The following FGF12 variants were observed in gnomAD, a reference collection of about 807,000 sequenced individuals.
FGF12 encodes the protein fibroblast growth factor 12B.
Under a neutral mutation model 23.6 loss-of-function variants are expected in FGF12, and 14 were observed. That is an observed-to-expected ratio of 0.59 (90% CI 0.39 to 0.93). The LOEUF (loss-of-function observed/expected upper bound fraction) is 0.93. Ranked by LOEUF, FGF12 falls within the 40% of genes least tolerant of loss-of-function variation. FGF12 has a pLI of 0.00. For missense variants in FGF12, 175 were observed against 217.8 expected (o/e 0.80, Z 1.24); for synonymous variants, 62 against 77.3 (o/e 0.80, Z 1.04).
chr3:192,230,195 C>A (rs1207044588), intron 4 of FGF12, among the ~76,000 whole-genome samples: 2 of 152,094 alleles, frequency 1.3e-5, no homozygotes, highest in Non-Finnish European at 1.5e-5. Flanking sequence ...AATTTCACTA[C>A]TTTCAAGATC....
chr3:192,227,509 T>C (rs536926172), intron 4 of FGF12, among the ~76,000 whole-genome samples: 1 of 151,572 alleles, frequency 6.6e-6, no homozygotes, highest in East Asian at 1.9e-4. Flanking sequence ...GAAAGCAATG[T>C]TTAACCAGGG....
intron 2 of FGF12, among the ~76,000 whole-genome samples, chr3:192,712,216 A>G (rs1191049437): frequency 6.6e-6 from 1 of 151,742 alleles, no homozygotes; most frequent in Non-Finnish European, 1.5e-5. Context: ...ATAGAAACCT[A>G]TGAAAAATAA....
At chr3:192,503,432 T>G (rs2084254899) in intron 2 of FGF12, among the ~76,000 whole-genome samples, 1 of 152,120 alleles carries the variant, frequency 6.6e-6, no homozygotes, top group Admixed American at 6.6e-5. Flanking sequence ...TGATCCAAAA[T>G]CACTTAAAAG....
At chr3:192,716,251 C>T (rs1441432641) in intron 2 of FGF12, among the ~76,000 whole-genome samples, 1 of 152,186 alleles carries the variant, frequency 6.6e-6, no homozygotes, top group Non-Finnish European at 1.5e-5. Context: ...AGTTGGAAAA[C>T]TGGTCAGAAA....
intron 2 of FGF12, among the ~76,000 whole-genome samples, chr3:192,410,877 A>G (rs1318206147): frequency 1.3e-5 from 2 of 152,228 alleles, no homozygotes; most frequent in Non-Finnish European, 1.5e-5. Context: ...GAGTTCTCCA[A>G]GTTAAAATGC....
At chr3:192,412,242 ATTC>A (rs1721221393) in intron 2 of FGF12, among the ~76,000 whole-genome samples, 1 of 152,174 alleles carries the variant, frequency 6.6e-6, no homozygotes, top group East Asian at 1.9e-4. Flanking sequence ...GAGGATGTGT[ATTC>A]TTTAGTCTTT....
At chr3:192,199,175 A>C (rs59313005) in intron 4 of FGF12, among the ~76,000 whole-genome samples, 206 of 152,202 alleles carry the variant, frequency 1.4e-3, no homozygotes, top group African/African-American at 4.9e-3. Flanking sequence ...TCACTTATTC[A>C]TAAAATGGGG....
intron 3 of FGF12, among the ~76,000 whole-genome samples, chr3:192,338,718 C>G (rs1717543042): frequency 6.6e-6 from 1 of 152,154 alleles, no homozygotes; most frequent in African/African-American, 2.4e-5. Context: ...TTACCCAGGT[C>G]TGGCTTTTAC....
chr3:192,519,946 C>G (rs1441107595), intron 2 of FGF12, among the ~76,000 whole-genome samples: 1 of 152,156 alleles, frequency 6.6e-6, no homozygotes, highest in Non-Finnish European at 1.5e-5. Context: ...TTTAGCAGTT[C>G]CTTAATTGTT....
rs11359837 is a variant in FGF12 at position 192,427,380 on chromosome 3, GAA to G, written c.14-66844_14-66843del. ...GGCGACAGAGCAGGACTCCGTCTCT[GAA>G]AAAAAAAAAAAAAGAGTAGAAGTAG... On this transcript the variant is annotated intron_variant, in intron 2 of 5. Coordinates refer to ENST00000445105, the MANE Select transcript of FGF12 (RefSeq NM_004113.6). Among the ~76,000 whole-genome samples the G allele has an allele frequency of 4.0e-3, 567 of 141,616 alleles. 1 individual carries two copies. Among genetic ancestry groups the G allele is most frequent in the African/African-American group, 0.012 (476 of 38,188 alleles). 92.9% of individuals were successfully genotyped at this position (141,616 alleles called of 152,430 possible). A position where few individuals can be genotyped will look rare whatever the true frequency, so the allele number is the denominator to read the frequency against.
chr3:192,422,544 T>C (rs1721565594), intron 2 of FGF12, among the ~76,000 whole-genome samples: 1 of 152,172 alleles, frequency 6.6e-6, no homozygotes, highest in Non-Finnish European at 1.5e-5. Flanking sequence ...CTCATTAATC[T>C]TGTGCCACAA....
intron 2 of FGF12, among the ~76,000 whole-genome samples, chr3:192,632,894 A>G (rs1198396046): frequency 2.0e-5 from 3 of 152,020 alleles, no homozygotes; most frequent in Non-Finnish European, 4.4e-5. Flanking sequence ...CTGGGGGGGA[A>G]TCTATTCCAT....
intron 2 of FGF12, among the ~76,000 whole-genome samples, chr3:192,385,149 A>C (rs2108756406): frequency 6.6e-6 from 1 of 152,290 alleles, no homozygotes; most frequent in East Asian, 1.9e-4. Flanking sequence ...TGTCCTGAGC[A>C]CTTTGTGCTG....
chr3:192,555,529 C>T (rs571518671), intron 2 of FGF12, among the ~76,000 whole-genome samples: 3 of 151,314 alleles, frequency 2.0e-5, no homozygotes, highest in African/African-American at 4.9e-5. Context: ...ACACCTGTAA[C>T]CCCAACAATT....
At chr3:192,544,099 C>T (rs1725437406) in intron 2 of FGF12, among the ~76,000 whole-genome samples, 1 of 152,152 alleles carries the variant, frequency 6.6e-6, no homozygotes, top group African/African-American at 2.4e-5. Context: ...CTCATTGCTC[C>T]CTCCATTAGC....
chr3:192,636,278 G>C (rs1431562246), intron 2 of FGF12, among the ~76,000 whole-genome samples: 2 of 152,140 alleles, frequency 1.3e-5, no homozygotes, highest in Admixed American at 1.3e-4. Flanking sequence ...GTAGCCACTA[G>C]TCAAATGTTT....
At chr3:192,418,927 C>T (rs1721437657) in intron 2 of FGF12, among the ~76,000 whole-genome samples, 1 of 152,200 alleles carries the variant, frequency 6.6e-6, no homozygotes, top group African/African-American at 2.4e-5. Flanking sequence ...CTAATATGGA[C>T]ATTAAGATTT....
rs758656881 is a variant in FGF12, at chr3:192,673,929, T to C, written c.13+53252A>G. On this transcript the variant is annotated intron_variant, in intron 2 of 5. Transcript: ENST00000445105. ...CCAGTAATGGGATTGTTGAGTCAAA[T>C]AGTATTTCTGTTTCTAGATCCTTGA... Among the ~76,000 whole-genome samples, 27 of 151,200 alleles carry C rather than the reference T, an allele frequency of 1.8e-4. 4 individuals are homozygous for C. Among genetic ancestry groups the C allele is most frequent in the Non-Finnish European group, 3.7e-4 (25 of 67,526 alleles).
intron 4 of FGF12, among the ~76,000 whole-genome samples, chr3:192,173,095 A>AGAT (rs1715657801): frequency 6.6e-6 from 1 of 150,804 alleles, no homozygotes. Flanking sequence ...GCAAATCCGG[A>AGAT]GATAGTAAGT....
Sources: allele counts gnomAD v4.1 joint callset (sites outside exome capture counted in the v4.1 genomes callset), GRCh38; gene constraint gnomAD v4.1.1; transcripts MANE v1.5; gene names NCBI Gene and HGNC (gene_info 2026-07-23, HGNC 2026-07-21).